The following ETFDH variants were observed in gnomAD, a reference collection of about 807,000 sequenced individuals.
The protein encoded by ETFDH is electron transfer flavoprotein dehydrogenase, also known as electron transfer flavoprotein-ubiquinone oxidoreductase, mitochondrial.
Under a neutral mutation model 73.2 loss-of-function variants are expected in ETFDH, and 61 were observed. The ratio of observed to expected loss-of-function variants is 0.83; its 90% confidence interval spans 0.68 to 1.03. ETFDH has a LOEUF of 1.03. Among genes scored for constraint, ETFDH ranks in the 50% least tolerant of loss-of-function variants. The pLI is 0.00. For synonymous variants in ETFDH, 243 were observed against 253.3 expected (o/e 0.96, Z 0.39); for missense variants, 685 against 745.0 (o/e 0.92, Z 0.94).
intron 3 of ETFDH, among the ~76,000 whole-genome samples, chr4:158,683,978 C>T (rs975793807): frequency 1.3e-5 from 2 of 152,096 alleles, no homozygotes; most frequent in Non-Finnish European, 2.9e-5. Flanking sequence ...AACTTAAGAG[C>T]CAAGCAACTT....
Position 158,672,485 on chromosome 4 carries a change from G to T in ETFDH, c.29G>T (p.Cys10Phe). Residue 10 changes from cysteine to phenylalanine, a missense_variant, in exon 1 of 13, where the codon TGC (cysteine) becomes TTC (phenylalanine). By Grantham distance (205) the Cys-to-Phe change is radical. Coordinates refer to ENST00000511912, the MANE Select transcript of ETFDH (RefSeq NM_004453.4). ...CTGGTGCCGCTAGCCAAGCTGTCCT[G>T]CCTGGGTGAGAGGAAACGGGCGGTG... MLVPLAKLS[C>F]LAYQCFHALK... is the part of the protein sequence containing the mutation. 9 of 1,614,164 alleles carry T rather than the reference G, an allele frequency of 5.6e-6. No individual in the cohort carries two copies. Among genetic ancestry groups the T allele is most frequent in the Non-Finnish European group, 7.6e-6 (9 of 1,180,000 alleles).
chr4:158,702,235 A>G (rs940182251), intron 9 of ETFDH, among the ~76,000 whole-genome samples: 1 of 151,888 alleles, frequency 6.6e-6, no homozygotes, highest in Non-Finnish European at 1.5e-5. Context: ...TGATATTTCC[A>G]TACATGTGTA....
chr4:158,694,746 C>T (rs1233781037), intron 6 of ETFDH, among the ~76,000 whole-genome samples: 1 of 152,074 alleles, frequency 6.6e-6, no homozygotes, highest in African/African-American at 2.4e-5. Context: ...TGCATTGCTT[C>T]AGGCTTTTTG....
At chr4:158,682,530 C>CTTT in intron 3 of ETFDH, 106 bp downstream of exon 3, 4 of 669,482 alleles carry the variant, frequency 6.0e-6, no homozygotes, top group African/African-American at 1.9e-5. Flanking sequence ...GTAACTCTAT[C>CTTT]TTTTTTTTTT....
In ETFDH at chr4:158,685,181, C is replaced by T; in HGVS notation, c.568C>T (p.Leu190Phe). ...CTGGATGGGCGAACAAGCAGAAGCCCTTGGTGTTGAAGTATACCCTGGTTA... is the reference window on the plus strand; with the variant it reads ...CTGGATGGGCGAACAAGCAGAAGCCTTTGGTGTTGAAGTATACCCTGGTTA... ...VSWMGEQAEALGVEVYPGYAA... is the reference protein window; with the variant it reads ...VSWMGEQAEAFGVEVYPGYAA... The change falls in exon 5 of 13, where the codon CTT becomes TTT. Residue 190 changes from leucine to phenylalanine, a missense_variant. Transcript: ENST00000511912. The T allele has an allele frequency of 2.5e-6, 4 of 1,611,982 alleles. No homozygotes were observed. Among genetic ancestry groups the T allele is most frequent in the Non-Finnish European group, 2.5e-6 (3 of 1,178,382 alleles).
chr4:158,682,631 T>C (rs1182481229), intron 3 of ETFDH, among the ~76,000 whole-genome samples: 1 of 151,988 alleles, frequency 6.6e-6, no homozygotes, highest in Non-Finnish European at 1.5e-5. Context: ...CCTCCCAGGT[T>C]CAAGTGATTC....
chr4:158,704,763 T>C (rs956494506), intron 10 of ETFDH, among the ~76,000 whole-genome samples: 1 of 152,206 alleles, frequency 6.6e-6, no homozygotes, highest in South Asian at 2.1e-4. Context: ...CCAGTAAATG[T>C]TCCTCTAGTT....
rs35572796 is a variant in ETFDH at position 158,684,389 on chromosome 4, C to CA, written c.406-185dup. ...TGGGTGACAGAAAGAGACACTGTCT[C>CA]AAAAAAAAAAAAAAAAAAGATTTCT... On this transcript the variant is annotated intron_variant, in intron 3 of 12. Coordinates refer to ENST00000511912, the MANE Select transcript of ETFDH (RefSeq NM_004453.4). Among the ~76,000 whole-genome samples, 1,334 of 105,430 alleles carry CA rather than the reference C, an allele frequency of 0.013. 21 individuals are homozygous for CA. The highest frequency in any genetic ancestry group is 0.042 in the African/African-American group (1,227 of 29,552). The allele number at this position is 105,430 out of a possible 152,430, so 69.2% of individuals were successfully genotyped here. A position where few individuals can be genotyped will look rare whatever the true frequency, so the allele number is the denominator to read the frequency against.
intron 9 of ETFDH, among the ~76,000 whole-genome samples, chr4:158,701,960 G>T (rs1180415049): frequency 1.3e-5 from 2 of 151,754 alleles, no homozygotes; most frequent in African/African-American, 2.4e-5. Context: ...CCAAAGAATT[G>T]TCTTTATCTA....
chr4:158,706,586 C>T (rs368466251), intron 11 of ETFDH, 43 bp from the exon 12 acceptor site: 4 of 1,518,550 alleles, frequency 2.6e-6, no homozygotes, highest in Admixed American at 3.3e-5. Flanking sequence ...AAAAGTACTT[C>T]AAAATCATAT....
chr4:158,688,412 A>T (rs1485680637), intron 5 of ETFDH, among the ~76,000 whole-genome samples: 1 of 113,054 alleles, frequency 8.8e-6, no homozygotes, highest in Non-Finnish European at 1.8e-5. Flanking sequence ...AAAAAAGGGC[A>T]CAGTGGCTCA....
chr4:158,691,928 G>A (rs997614713), intron 6 of ETFDH, among the ~76,000 whole-genome samples: 2 of 152,142 alleles, frequency 1.3e-5, no homozygotes, highest in Non-Finnish European at 2.9e-5. Flanking sequence ...AGCTCCCTAA[G>A]GATGGAGATC....
At chr4:158,702,431 T>C (rs1013888667) in intron 9 of ETFDH, among the ~76,000 whole-genome samples, 4 of 152,170 alleles carry the variant, frequency 2.6e-5, no homozygotes, top group African/African-American at 9.7e-5. Context: ...TATTTCTGTA[T>C]ACATTAACCA....
chr4:158,699,223 A>C (rs1402589966), intron 9 of ETFDH, 93 bp downstream of exon 9: 1 of 1,054,032 alleles, frequency 9.5e-7, no homozygotes, highest in East Asian at 2.6e-5. Context: ...AATAAAAACA[A>C]TATTGGAATA....
chr4:158,706,481 T>C (rs1774621665), intron 11 of ETFDH, 110 bp downstream of exon 11: 3 of 1,126,384 alleles, frequency 2.7e-6, no homozygotes, highest in Admixed American at 1.8e-5. Context: ...AAATTATAAA[T>C]TTAGTGTCTA....
At chr4:158,672,513 G>A (rs1580387069) in intron 1 of ETFDH, 23 bp downstream of exon 1, 1 of 1,613,720 alleles carries the variant, frequency 6.2e-7, no homozygotes, top group Non-Finnish European at 8.5e-7. Context: ...GGGCGGTGGG[G>A]ATAAGTGGAG....
intron 12 of ETFDH, 141 bp downstream of exon 12, chr4:158,706,991 T>C (rs916384736): frequency 3.2e-6 from 2 of 619,260 alleles, no homozygotes; most frequent in African/African-American, 1.9e-5. Context: ...TTAGGAAACA[T>C]ACTTTTAACT....
intron 5 of ETFDH, among the ~76,000 whole-genome samples, chr4:158,689,125 T>C (rs1774089968): frequency 6.6e-6 from 1 of 152,218 alleles, no homozygotes; most frequent in Non-Finnish European, 1.5e-5. Context: ...GTTGGAAGTT[T>C]GCTAAAGGAA....
intron 6 of ETFDH, among the ~76,000 whole-genome samples, 164 bp downstream of exon 6, chr4:158,690,589 G>A (rs1774139744): frequency 6.6e-6 from 1 of 152,114 alleles, no homozygotes; most frequent in Admixed American, 6.6e-5. Context: ...TGAAACAGGA[G>A]GATCACTTGA....
Sources: gnomAD v4.1 joint callset for allele counts (sites outside exome capture counted in the v4.1 genomes callset) on GRCh38, gnomAD v4.1.1 for gene constraint, MANE v1.5 for transcripts, NCBI Gene and HGNC (gene_info 2026-07-23, HGNC 2026-07-21) for gene names.